The following GRK1 variants were observed in gnomAD, a reference collection of about 807,000 sequenced individuals.
GRK1 encodes the protein G protein-coupled receptor kinase 1.
A neutral mutation model predicts 41.7 loss-of-function variants in GRK1; 28 were observed. The ratio of observed to expected loss-of-function variants is 0.67; its 90% CI spans 0.50 to 0.92. The LOEUF (loss-of-function observed/expected upper bound fraction) is 0.92. GRK1 is among the 40% of genes least tolerant of loss of function. The pLI, the probability that GRK1 is intolerant of heterozygous loss-of-function variation, is 0.00. For missense variants in GRK1, 703 were observed against 671.2 expected (o/e 1.05, Z -0.52); for synonymous variants, 327 against 286.7 (o/e 1.14, Z -1.42).
rs2050006582 is a variant in GRK1, at chr13:113,736,614, A to C, written c.*1251A>C. On this transcript the variant is annotated 3_prime_UTR_variant, in exon 7 of 7. Transcript: ENST00000335678. ...TCAGCAGCCGGCTCAGAGGGAGTGC[A>C]TCCAAGCCGCAGGGAAGCAGTGGTG... The C allele has an allele frequency of 2.6e-5, 4 of 152,192 alleles. No individual in the cohort carries two copies. The highest frequency in any genetic ancestry group is 5.9e-5 in the Non-Finnish European group (4 of 68,050). The allele number at this position is 152,192 out of a possible 1,614,324, so 9.4% of individuals were successfully genotyped here.
chr13:113,667,867 C>A lies in GRK1; in HGVS notation c.481C>A (p.Pro161Thr). 1.3e-6 allele frequency: 2 copies of A among 1,590,286 alleles called. No homozygotes were observed. Among genetic ancestry groups the A allele is most frequent in the East Asian group, 2.3e-5 (1 of 44,100 alleles). The part of the protein sequence containing the change: ...QATLAHLGQA[P>T]FQEYLGSLYF... ...CACCCTGGCACACCTGGGCCAAGCC[C>A]CCTTCCAGGAGTACCTGGGCAGCCT... is the stretch of plus-strand genomic sequence containing the variant. Residue 161 changes from proline (P) to threonine (T), a missense_variant, in exon 1 of 7, where the codon CCC (proline) becomes ACC (threonine). By Grantham distance (38) the Pro-to-Thr change is conservative. Transcript: ENST00000335678. The surrounding 1 kb of genome is among the most constrained non-coding windows in gnomAD (Gnocchi z 7.5).
At chr13:113,727,949 G>A (rs1460728828) in intron 4 of GRK1, among the ~76,000 whole-genome samples, 1 of 69,648 alleles carries the variant, frequency 1.4e-5, no homozygotes, top group Non-Finnish European at 2.5e-5. Flanking sequence ...GCGATGAGGA[G>A]TACCCATGGT....
chr13:113,653,966 G>A, the GRK1 span, among the ~76,000 whole-genome samples: 2 of 152,204 alleles, frequency 1.3e-5, no homozygotes, highest in South Asian at 2.1e-4. Flanking sequence ...ATGCAGAAAC[G>A]TGTGTTTACT....
At chr13:113,656,467 C>T in the GRK1 span, among the ~76,000 whole-genome samples, 1 of 152,334 alleles carries the variant, frequency 6.6e-6, no homozygotes, top group African/African-American at 2.4e-5. Flanking sequence ...GTTGGCCAGG[C>T]TGGGCCCAGG....
intron 4 of GRK1, among the ~76,000 whole-genome samples, chr13:113,727,534 T>G (rs2049896996): frequency 1.3e-5 from 2 of 151,606 alleles, no homozygotes; most frequent in African/African-American, 2.4e-5. Flanking sequence ...CCATCATGAG[T>G]ACCCATGGCA....
intron 5 of GRK1, among the ~76,000 whole-genome samples, chr13:113,732,654 G>A (rs1057270766): frequency 6.6e-6 from 1 of 152,322 alleles, no homozygotes. Context: ...GGGTCAGCCA[G>A]AGTCCCCAAA....
chr13:113,664,623 C>T (rs1045694305), upstream of GRK1, among the ~76,000 whole-genome samples: 1 of 152,192 alleles, frequency 6.6e-6, no homozygotes, highest in African/African-American at 2.4e-5. The surrounding 1 kb of genome is among the most constrained non-coding windows in gnomAD (Gnocchi z 5.4). Context: ...GGTGGAACGG[C>T]CCCCAGTCCA....
chr13:113,655,576 G>A, the GRK1 span, among the ~76,000 whole-genome samples: 9 of 152,326 alleles, frequency 5.9e-5, no homozygotes, highest in East Asian at 1.9e-4. Context: ...GGAAGCCACC[G>A]TCCCCGTGGC....
rs368488746 is a variant in GRK1 at position 113,671,605 on chromosome 13, C to T, written c.934C>T (p.Arg312Trp). The T allele has an allele frequency of 3.1e-5, 24 of 773,034 alleles. No homozygotes were observed. The highest frequency in any genetic ancestry group is 5.4e-5 in the South Asian group (4 of 74,610). 47.9% of individuals were successfully genotyped at this position (773,034 alleles called of 1,614,324 possible). Residue 312 changes from arginine to tryptophan, a missense_variant, in exon 3 of 7, where the codon CGG (arginine) becomes TGG (tryptophan). By Grantham distance (101) the Arg-to-Trp change is moderately radical. Transcript: ENST00000335678. The surrounding 1 kb of genome is among the most constrained non-coding windows in gnomAD (Gnocchi z 4.1). The part of the protein sequence containing the change: ...ICGLEHLHQR[R>W]IVYRDLKPEN... ...CGGCCTGGAGCACCTGCACCAGAGGCGGATCGTCTACCGCGACCTCAAGCC... is the reference window on the plus strand; with the variant it reads ...CGGCCTGGAGCACCTGCACCAGAGGTGGATCGTCTACCGCGACCTCAAGCC...
At chr13:113,729,952 C>T (rs557413933) in intron 4 of GRK1, among the ~76,000 whole-genome samples, 4 of 143,774 alleles carry the variant, frequency 2.8e-5, no homozygotes, top group Non-Finnish European at 3.0e-5. Flanking sequence ...CCCGCGGCTG[C>T]GCCCAAACCC....
In GRK1 at chr13:113,731,119, G is replaced by C. The variant is rs890598244; in HGVS notation, c.1070-100G>C. The C allele has an allele frequency of 1.4e-6, 2 of 1,401,928 alleles. No individual in the cohort carries two copies. The highest frequency in any genetic ancestry group is 1.4e-5 in the African/African-American group (1 of 69,786). The allele number at this position is 1,401,928 out of a possible 1,614,324, so 86.8% of individuals were successfully genotyped here. A position where few individuals can be genotyped will look rare whatever the true frequency, so the allele number is the denominator to read the frequency against. On this transcript the variant is annotated intron_variant, in intron 4 of 6. Transcript: ENST00000335678. This position sits in a 1 kb window ranked among gnomAD's most constrained non-coding sequence, Gnocchi z 5.6. ...CAAATGTGGAGAGTGCTGAGGCCCCGGGGGGGATGCATCCCCAGAGCATCA... is the reference window on the plus strand; with the variant it reads ...CAAATGTGGAGAGTGCTGAGGCCCCCGGGGGGATGCATCCCCAGAGCATCA...
chr13:113,731,400 G>A lies in GRK1; in HGVS notation c.1194+57G>A. The A allele has an allele frequency of 2.6e-6, 4 of 1,533,446 alleles. No homozygotes were observed. The Admixed American group carries it at 7.9e-5, about 30-fold the overall frequency. The allele number at this position is 1,533,446 out of a possible 1,614,324, so 95.0% of individuals were successfully genotyped here. A position where few individuals can be genotyped will look rare whatever the true frequency, so the allele number is the denominator to read the frequency against. ...CACCTTGGCGCCCTGGCTCTCGATGGGGACGGGGCAGTGATGGGATCGTTA... is the reference window on the plus strand; with the variant it reads ...CACCTTGGCGCCCTGGCTCTCGATGAGGACGGGGCAGTGATGGGATCGTTA... On this transcript the variant is annotated intron_variant, in intron 5 of 6. Transcript: ENST00000335678. The surrounding 1 kb of genome is among the most constrained non-coding windows in gnomAD (Gnocchi z 5.6).
intron 6 of GRK1, among the ~76,000 whole-genome samples, chr13:113,733,925 C>CGTGTGTGCGT (rs1566700373): frequency 4.8e-5 from 2 of 41,956 alleles, no homozygotes; most frequent in Non-Finnish European, 9.4e-5. Flanking sequence ...TGCGTGTGTG[C>CGTGTGTGCGT]ATGTGTGCAT....
At position 113,671,492 on chromosome 13, in the gene GRK1, C is replaced by T. The variant is rs2049856457; in HGVS notation, c.828-7C>T. ...GGGGTGCATGGTTCCCACGTGTCTT[C>T]CCCCAGGTACCACATCTACAACGTG... On this transcript the variant is annotated splice_polypyrimidine_tract_variant and splice_region_variant and intron_variant, in intron 2 of 6. Coordinates refer to ENST00000335678, the MANE Select transcript of GRK1 (RefSeq NM_002929.3). The surrounding 1 kb of genome is among the most constrained non-coding windows in gnomAD (Gnocchi z 4.1). 1.3e-6 allele frequency: 1 copy of T among 778,950 alleles called. No individual in the cohort carries two copies. The highest frequency in any genetic ancestry group is 1.7e-5 in the African/African-American group (1 of 59,252). The allele number at this position is 778,950 out of a possible 1,614,324, so 48.3% of individuals were successfully genotyped here. A position where few individuals can be genotyped will look rare whatever the true frequency, so the allele number is the denominator to read the frequency against.
At chr13:113,734,895 G>T in intron 6 of GRK1, 173 bp from the exon 7 acceptor site, 1 of 578,684 alleles carries the variant, frequency 1.7e-6, no homozygotes, top group Non-Finnish European at 2.8e-6. Flanking sequence ...GGGAACCCAG[G>T]GGCCTTCTGG....
chr13:113,649,652 A>C, the GRK1 span: 1 of 1,228,238 alleles, frequency 8.1e-7, no homozygotes, highest in East Asian at 2.8e-5. This position sits in a 1 kb window ranked among gnomAD's most constrained non-coding sequence, Gnocchi z 4.7. Context: ...TCTTTTGTGT[A>C]AGACTGGCCC....
rs559629294 is a variant in GRK1, at chr13:113,733,079, G to C, written c.1390G>C (p.Glu464Gln). Residue 464 changes from glutamate (E) to glutamine (Q), a missense_variant, in exon 6 of 7, where the codon GAG (glutamate) becomes CAG (glutamine). Coordinates refer to ENST00000335678, the MANE Select transcript of GRK1 (RefSeq NM_002929.3). ...LFKDLNWRQL[E>Q]AGMLMPPFIP... Reference sequence around the variant, plus strand: ...CAAGGACCTTAACTGGAGGCAGCTGGAGGCTGGTACTGTTGGACGCCTCAG... The same window carrying C: ...CAAGGACCTTAACTGGAGGCAGCTGCAGGCTGGTACTGTTGGACGCCTCAG... The C allele has an allele frequency of 2.2e-4, 333 of 1,536,306 alleles. 2 individuals are homozygous for C. In the African/African-American group the frequency reaches 4.1e-3, roughly 19 times the overall value.
At chr13:113,652,972 G>A in the GRK1 span, 3 of 1,614,232 alleles carry the variant, frequency 1.9e-6, no homozygotes, top group Non-Finnish European at 2.5e-6. Flanking sequence ...CCGTGAACTT[G>A]CAGGAGAACT....
chr13:113,733,750 T>A (rs1594581711), intron 6 of GRK1, among the ~76,000 whole-genome samples: 1 of 111,572 alleles, frequency 9.0e-6, no homozygotes, highest in East Asian at 2.1e-4. Context: ...TGTGCATACA[T>A]GTGTGTGCGT....
Sources: gnomAD v4.1 joint callset for allele counts (sites outside exome capture counted in the v4.1 genomes callset) on GRCh38, gnomAD v4.1.1 for gene constraint, Gnocchi (gnomAD v3.1) non-coding constraint, MANE v1.5 for transcripts, NCBI Gene and HGNC (gene_info 2026-07-23, HGNC 2026-07-21) for gene names.